Variants in TXNDC5 observed in about 807,000 individuals in gnomAD.
TXNDC5 encodes thioredoxin domain-containing protein 5.
In TXNDC5, 44 loss-of-function variants were observed where a neutral mutation model predicts 52.6. That is an observed-to-expected ratio of 0.84 (90% CI 0.66 to 1.08). The LOEUF is 1.08. Among genes scored for constraint, TXNDC5 ranks in the 50% least tolerant of loss-of-function variants. The probability of loss-of-function intolerance (pLI) is 0.00; values close to 1 mark genes in which losing one functional copy is unlikely to be tolerated. For synonymous variants in TXNDC5, 241 were observed against 234.4 expected (o/e 1.03, Z -0.26); for missense variants, 600 against 565.5 (o/e 1.06, Z -0.62).
At chr6:7,894,661 T>G in intron 4 of TXNDC5, 1 of 910,308 alleles carries the variant, frequency 1.1e-6, no homozygotes, top group South Asian at 5.1e-5. Flanking sequence ...AAAAAATATT[T>G]TATTGCTAAA....
At chr6:7,904,503 A>G in intron 2 of TXNDC5, 71 bp downstream of exon 2, 10 of 1,581,822 alleles carry the variant, frequency 6.3e-6, no homozygotes, top group Non-Finnish European at 8.6e-6. Context: ...CACCTTTACC[A>G]AAAGTTTAAC....
intron 1 of TXNDC5, 33 bp downstream of exon 1, chr6:7,910,481 T>A: frequency 1.4e-6 from 2 of 1,397,582 alleles, no homozygotes; most frequent in Non-Finnish European, 9.4e-7. Context: ...AAGCGCCAAG[T>A]GCGGGGCAGG....
In TXNDC5 at chr6:7,896,924, A is replaced by G. The variant is rs1760388482; in HGVS notation, c.520-1722T>C. Among the ~76,000 whole-genome samples the G allele has an allele frequency of 3.9e-5, 6 of 152,272 alleles. No homozygotes were observed. The South Asian group carries it at 1.2e-3, about 32-fold the overall frequency. On this transcript the variant is annotated intron_variant, in intron 3 of 9. Transcript: ENST00000379757. ...GTGCTTAAGAAACCTGGCTATATTC[A>G]TCAAGAGCCATAAAAATGATCTTTT...
In TXNDC5 at chr6:7,904,705, C is replaced by T. The variant is rs202027828; in HGVS notation, c.282G>A (p.Arg94=). 111 of 1,614,220 alleles carry T rather than the reference C, an allele frequency of 6.9e-5. 1 individual carries two copies. The South Asian group carries it at 1.0e-3, about 15-fold the overall frequency. ...FFAPWCGHCQ[R]LQPTWNDLGD... is the part of the protein sequence containing the mutation. ...CCAGGTCATTCCAAGTCGGCTGCAG[C>T]CGCTGGCAGTGTCCACACCTGGAAC... The change falls in exon 2 of 10, where the codon CGG becomes CGA. Residue 94 remains arginine, a synonymous_variant. Coordinates refer to ENST00000379757, the MANE Select transcript of TXNDC5 (RefSeq NM_030810.5).
rs1005543793 is a variant in TXNDC5, at chr6:7,910,745, A to G, written c.32T>C (p.Leu11Pro). The change falls in exon 1 of 10, where the codon CTG becomes CCG. Residue 11 changes from leucine to proline, a missense_variant. Leu to Pro is a moderately conservative substitution (Grantham distance 98). Transcript: ENST00000379757. MPARPGRLLPLLARPAALTAL... is the reference protein window; with the variant it reads MPARPGRLLPPLARPAALTAL... ...AGTCAGGGCCGCCGGCCGGGCCAGC[A>G]GCGGGAGGAGGCGTCCTGGGCGCGC... 2 of 1,013,046 alleles carry G rather than the reference A, an allele frequency of 2.0e-6. No individual in the cohort carries two copies. Among genetic ancestry groups the G allele is most frequent in the African/African-American group, 3.5e-5 (2 of 57,276 alleles). The allele number at this position is 1,013,046 out of a possible 1,614,324, so 62.8% of individuals were successfully genotyped here.
intron 4 of TXNDC5, among the ~76,000 whole-genome samples, chr6:7,892,398 A>G (rs184839904): frequency 1.3e-5 from 2 of 152,388 alleles, no homozygotes; most frequent in East Asian, 1.9e-4. Context: ...CTTCAGCAAG[A>G]AAGATAAAGA....
intron 3 of TXNDC5, among the ~76,000 whole-genome samples, chr6:7,895,469 A>G (rs1227915140): frequency 6.6e-6 from 1 of 152,200 alleles, no homozygotes; most frequent in Non-Finnish European, 1.5e-5. Flanking sequence ...GCCAAGTGAT[A>G]GCTGTCCCTA....
chr6:7,891,827 T>G, intron 4 of TXNDC5, 91 bp from the exon 5 acceptor site: 1 of 880,880 alleles, frequency 1.1e-6, no homozygotes, highest in Non-Finnish European at 1.8e-6. Flanking sequence ...AATCAGATCT[T>G]TGTCCTGCTT....
At chr6:7,906,152 G>C (rs950222835) in intron 1 of TXNDC5, among the ~76,000 whole-genome samples, 1 of 151,190 alleles carries the variant, frequency 6.6e-6, no homozygotes, top group South Asian at 2.1e-4. Context: ...GAGGCAGAGG[G>C]ATCACTTGAG....
chr6:7,908,648 CCT>C (rs1161009037), intron 1 of TXNDC5, among the ~76,000 whole-genome samples: 1 of 152,006 alleles, frequency 6.6e-6, no homozygotes, highest in African/African-American at 2.4e-5. Flanking sequence ...ATAGCGAGAC[CCT>C]GTTTCTACCA....
chr6:7,883,159 C>T lies in TXNDC5; in HGVS notation c.1284G>A (p.Ala428=), dbSNP rs775938941. 3.1e-5 allele frequency: 50 copies of T among 1,614,058 alleles called. No individual in the cohort carries two copies. The highest frequency in any genetic ancestry group is 1.2e-4 in the South Asian group (11 of 91,090). ...AACTGTGTTCCTAAAGTTCGTCTTTCGCTTGGCTCAGGACAAAGCGGTGTA... is the reference window on the plus strand; with the variant it reads ...AACTGTGTTCCTAAAGTTCGTCTTTTGCTTGGCTCAGGACAAAGCGGTGTA... ...DSLHRFVLSQ[A]KDEL The change falls in exon 10 of 10, where the codon GCG becomes GCA. Residue 428 remains alanine (A), a synonymous_variant. Transcript: ENST00000379757.
rs1759817298 is a variant in TXNDC5, at chr6:7,882,938, A to C, written c.*206T>G. ...AATGTTTACACAGTGACCATGAGTT[A>C]CACATTTACTTAGAGAAACTTAACT... is the stretch of plus-strand genomic sequence containing the variant. On this transcript the variant is annotated 3_prime_UTR_variant, in exon 10 of 10. Coordinates refer to ENST00000379757, the MANE Select transcript of TXNDC5 (RefSeq NM_030810.5). 1 of 589,970 alleles carries C rather than the reference A, an allele frequency of 1.7e-6. No individual in the cohort carries two copies. The highest frequency in any genetic ancestry group is 2.9e-6 in the Non-Finnish European group (1 of 350,576). 36.5% of individuals were successfully genotyped at this position (589,970 alleles called of 1,614,324 possible).
At chr6:7,902,149 G>T (rs1243721786) in intron 2 of TXNDC5, among the ~76,000 whole-genome samples, 2 of 152,174 alleles carry the variant, frequency 1.3e-5, no homozygotes, top group African/African-American at 4.8e-5. Context: ...GGCAAGGGAG[G>T]ATTCCCCTAC....
intron 6 of TXNDC5, 99 bp from the exon 7 acceptor site, chr6:7,888,947 A>G: frequency 6.8e-7 from 1 of 1,459,916 alleles, no homozygotes; most frequent in Non-Finnish European, 9.2e-7. Flanking sequence ...CAGAGCTCCC[A>G]GATGTCTTAG....
intron 2 of TXNDC5, 52 bp from the exon 3 acceptor site, chr6:7,899,733 G>T (rs1260204018): frequency 6.9e-7 from 1 of 1,459,450 alleles, no homozygotes; most frequent in East Asian, 2.3e-5. Flanking sequence ...TGTCTTATCA[G>T]AGAGCAAACT....
chr6:7,887,011 G>GA (rs1165191011), intron 7 of TXNDC5, among the ~76,000 whole-genome samples: 1 of 152,200 alleles, frequency 6.6e-6, no homozygotes, highest in African/African-American at 2.4e-5. Context: ...CTCAATTTGG[G>GA]ATGACCTTTG....
At chr6:7,899,223 A>G (rs1422879737) in intron 3 of TXNDC5, among the ~76,000 whole-genome samples, 1 of 152,212 alleles carries the variant, frequency 6.6e-6, no homozygotes, top group East Asian at 1.9e-4. Flanking sequence ...AACAAAGAGT[A>G]AGTGCTTATC....
intron 9 of TXNDC5, 49 bp downstream of exon 9, chr6:7,884,310 A>G (rs1355852061): frequency 6.2e-7 from 1 of 1,609,626 alleles, no homozygotes; most frequent in Non-Finnish European, 8.5e-7. Context: ...TTCCCTTGGG[A>G]TCTGCCCCCA....
At chr6:7,888,380 G>A (rs1411623143) in intron 7 of TXNDC5, among the ~76,000 whole-genome samples, 1 of 152,178 alleles carries the variant, frequency 6.6e-6, no homozygotes, top group African/African-American at 2.4e-5. Context: ...GCAGAAACAT[G>A]CCCAGCAGAG....
Sources: allele counts gnomAD v4.1 joint callset (sites outside exome capture counted in the v4.1 genomes callset), GRCh38; gene constraint gnomAD v4.1.1; transcripts MANE v1.5; gene names NCBI Gene and HGNC (gene_info 2026-07-23, HGNC 2026-07-21).